Variants in OR10G3 observed in about 807,000 individuals in gnomAD.
OR10G3 encodes olfactory receptor family 10 subfamily G member 3, also known as olfactory receptor 10G3.
In OR10G3, 8 loss-of-function variants were observed where a neutral mutation model predicts 13.4. The ratio of observed to expected loss-of-function variants is 0.60; its 90% CI spans 0.35 to 1.08. The LOEUF (loss-of-function observed/expected upper bound fraction) is 1.08. Ranked by LOEUF, OR10G3 falls within the 50% of genes least tolerant of loss-of-function variation. OR10G3 has a pLI of 0.02. For missense variants in OR10G3, 393 were observed against 386.6 expected, an observed-to-expected ratio of 1.02 and a Z score of -0.14; for synonymous variants, 142 against 156.1, an observed-to-expected ratio of 0.91 and a Z score of 0.67.
intron 1 of OR10G3, 105 bp downstream of exon 1, chr14:21,579,681 G>A (rs1192257485): frequency 6.6e-6 from 1 of 152,112 alleles, no homozygotes; most frequent in African/African-American, 2.4e-5. Flanking sequence ...GAGATGAAGT[G>A]ACTCAGAGTA....
Position 21,570,629 on chromosome 14 carries a change from T to C in OR10G3, c.116A>G (p.Gln39Arg). Reference protein sequence around the residue: ...VFFFLIYILTQLGNLLILITV... With the variant: ...VFFFLIYILTRLGNLLILITV... ...GATTAAAATAAGCAGGTTTCCCAGC[T>C]GAGTCAGGATGTAGATTAGAAAAAA... is the stretch of plus-strand genomic sequence containing the variant. The change falls in exon 2 of 2, where the codon CAG (glutamine) becomes CGG (arginine). Residue 39 changes from glutamine to arginine, a missense_variant. Physicochemically the swap from Gln to Arg is conservative, Grantham distance 43 (BLOSUM62 1). Coordinates refer to ENST00000641040, the MANE Select transcript of OR10G3 (RefSeq NM_001005465.2). 1 of 1,613,814 alleles carries C rather than the reference T, an allele frequency of 6.2e-7. No homozygotes were observed. The highest frequency in any genetic ancestry group is 1.1e-5 in the South Asian group (1 of 91,076).
chr14:21,573,198 T>C (rs1893090873), intron 1 of OR10G3, among the ~76,000 whole-genome samples: 1 of 152,138 alleles, frequency 6.6e-6, no homozygotes, highest in Admixed American at 6.5e-5. Context: ...ACAATATGAA[T>C]GAACCTGGAA....
At chr14:21,578,976 G>A (rs185703648) in intron 1 of OR10G3, among the ~76,000 whole-genome samples, 1 of 152,234 alleles carries the variant, frequency 6.6e-6, no homozygotes, top group East Asian at 1.9e-4. Context: ...AAGAAATCAG[G>A]TTATAGCTTT....
At chr14:21,577,919 T>A (rs1594492214) in intron 1 of OR10G3, among the ~76,000 whole-genome samples, 1 of 151,988 alleles carries the variant, frequency 6.6e-6, no homozygotes, top group African/African-American at 2.4e-5. Context: ...GGAGAATCGC[T>A]GGAACCTGGG....
At chr14:21,579,033 G>A (rs568377947) in intron 1 of OR10G3, among the ~76,000 whole-genome samples, 3 of 152,124 alleles carry the variant, frequency 2.0e-5, no homozygotes, top group Non-Finnish European at 2.9e-5. Flanking sequence ...TGTCTTATAG[G>A]TGGAAGGGAC....
chr14:21,571,299 G>C (rs4982463), intron 1 of OR10G3, among the ~76,000 whole-genome samples: 17,686 of 152,232 alleles, frequency 0.12, 1,186 homozygotes, highest in Middle Eastern at 0.18. Flanking sequence ...GAAAGGAAAT[G>C]CAGAAAATAA....
chr14:21,578,439 CAAAAT>C (rs1876809455), intron 1 of OR10G3, among the ~76,000 whole-genome samples: 1 of 151,600 alleles, frequency 6.6e-6, no homozygotes, highest in Non-Finnish European at 1.5e-5. Flanking sequence ...AATAAATAAA[CAAAAT>C]AAAATAAAGA....
At chr14:21,571,799 G>A (rs926916470) in intron 1 of OR10G3, among the ~76,000 whole-genome samples, 7 of 151,832 alleles carry the variant, frequency 4.6e-5, no homozygotes, top group Non-Finnish European at 4.4e-5. Context: ...CTCAGTGTCC[G>A]GGTAGCTGGG....
Position 21,570,146 on chromosome 14 carries a change from G to A in OR10G3, c.599C>T (p.Thr200Met), listed in dbSNP as rs752390848. 14 of 1,614,206 alleles carry A rather than the reference G, an allele frequency of 8.7e-6. No individual in the cohort carries two copies. In the East Asian group the frequency reaches 2.5e-4, roughly 28 times the overall value. Residue 200 changes from threonine (T) to methionine (M), a missense_variant, in exon 2 of 2, where the codon ACG (threonine) becomes ATG (methionine). By Grantham distance (81) the Thr-to-Met change is moderately conservative (BLOSUM62 -1). Coordinates refer to ENST00000641040, the MANE Select transcript of OR10G3 (RefSeq NM_001005465.2). ...CADTTVNELV[T>M]FVDIGVVVAS... is the part of the protein sequence containing the mutation. Reference sequence around the variant, plus strand: ...AACCACCACCCCAATGTCTACAAACGTCACCAGCTCGTTGACTGTTGTGTC... The same window carrying A: ...AACCACCACCCCAATGTCTACAAACATCACCAGCTCGTTGACTGTTGTGTC...
intron 1 of OR10G3, among the ~76,000 whole-genome samples, chr14:21,573,017 C>T (rs1342225790): frequency 1.3e-5 from 2 of 152,150 alleles, no homozygotes; most frequent in South Asian, 2.1e-4. Context: ...TATCTCACAC[C>T]ATTAGCAAAA....
At chr14:21,575,387 CTT>C (rs568846340) in intron 1 of OR10G3, among the ~76,000 whole-genome samples, 2 of 116,204 alleles carry the variant, frequency 1.7e-5, no homozygotes, top group African/African-American at 3.4e-5. Flanking sequence ...GGCCTCAAGT[CTT>C]TTTTTTTTTG....
rs1419213103 is a variant in OR10G3, at chr14:21,568,706, T to A, written c.*1097A>T. 3.3e-5 allele frequency: 5 copies of A among 150,596 alleles called. No homozygotes were observed. The highest frequency in any genetic ancestry group is 5.9e-5 in the Non-Finnish European group (4 of 67,700). 9.3% of individuals were successfully genotyped at this position (150,596 alleles called of 1,614,324 possible). A position where few individuals can be genotyped will look rare whatever the true frequency, so the allele number is the denominator to read the frequency against. On this transcript the variant is annotated 3_prime_UTR_variant, in exon 2 of 2. Coordinates refer to ENST00000641040, the MANE Select transcript of OR10G3 (RefSeq NM_001005465.2). ...TAGTCAGGGGTCTCTTTGTTTTTTT[T>A]TTTTTTATTTTTTTATTTTTTTGAG...
At chr14:21,574,707 G>A (rs951553018) in intron 1 of OR10G3, 2 of 152,234 alleles carry the variant, frequency 1.3e-5, no homozygotes, top group African/African-American at 2.4e-5. Flanking sequence ...CAGCACTTTG[G>A]AAGGCTGAGG....
intron 1 of OR10G3, among the ~76,000 whole-genome samples, chr14:21,572,765 T>C (rs1351701511): frequency 6.6e-6 from 1 of 152,218 alleles, no homozygotes; most frequent in Non-Finnish European, 1.5e-5. Context: ...TTCTGGGCTC[T>C]GTATTCTGTC....
intron 1 of OR10G3, among the ~76,000 whole-genome samples, chr14:21,572,316 A>AAAAAAAG (rs1893079888): frequency 7.4e-6 from 1 of 134,750 alleles, no homozygotes; most frequent in Non-Finnish European, 1.6e-5. Context: ...AAAAAAAAAA[A>AAAAAAAG]GGCCAGGTGT....
At chr14:21,578,133 G>A (rs1456547621) in intron 1 of OR10G3, among the ~76,000 whole-genome samples, 1 of 152,028 alleles carries the variant, frequency 6.6e-6, no homozygotes, top group South Asian at 2.1e-4. Flanking sequence ...TCTAGAGGCC[G>A]GTCGCGGTGG....
At position 21,572,218 on chromosome 14, in the gene OR10G3, G is replaced by C. The variant is rs113942007; in HGVS notation, c.-17-1457C>G. Among the ~76,000 whole-genome samples, 432 of 138,612 alleles carry C rather than the reference G, an allele frequency of 3.1e-3. 1 individual carries two copies. Among genetic ancestry groups the C allele is most frequent in the African/African-American group, 0.011 (408 of 36,758 alleles). 90.9% of individuals were successfully genotyped at this position (138,612 alleles called of 152,430 possible). A position where few individuals can be genotyped will look rare whatever the true frequency, so the allele number is the denominator to read the frequency against. ...GAGGCAGGAGAATCACTTGAACCCAGGGGGTGGAGGTGAGCTGAGATTGCA... is the reference window on the plus strand; with the variant it reads ...GAGGCAGGAGAATCACTTGAACCCACGGGGTGGAGGTGAGCTGAGATTGCA... On this transcript the variant is annotated intron_variant, in intron 1 of 1. Coordinates refer to ENST00000641040, the MANE Select transcript of OR10G3 (RefSeq NM_001005465.2).
chr14:21,570,537 T>C lies in OR10G3; in HGVS notation c.208A>G (p.Ile70Val). Residue 70 changes from isoleucine to valine, a missense_variant, in exon 2 of 2, where the codon ATT becomes GTT. Coordinates refer to ENST00000641040, the MANE Select transcript of OR10G3 (RefSeq NM_001005465.2). ...ATGATGGAGGAGATGCTCATATCAATGACTGAGAGAACACCAAGAAAGATG... is the reference window on the plus strand; with the variant it reads ...ATGATGGAGGAGATGCTCATATCAACGACTGAGAGAACACCAAGAAAGATG... ...MYIFLGVLSVIDMSISSIIVP... is the reference protein window; with the variant it reads ...MYIFLGVLSVVDMSISSIIVP... 1.2e-6 allele frequency: 2 copies of C among 1,614,156 alleles called. No individual in the cohort carries two copies. Among genetic ancestry groups the C allele is most frequent in the Non-Finnish European group, 1.7e-6 (2 of 1,180,024 alleles).
At chr14:21,577,921 G>C (rs1164131842) in intron 1 of OR10G3, among the ~76,000 whole-genome samples, 1 of 152,042 alleles carries the variant, frequency 6.6e-6, no homozygotes, top group African/African-American at 2.4e-5. Flanking sequence ...AGAATCGCTG[G>C]AACCTGGGAG....
Sources: gnomAD v4.1 joint callset for allele counts (sites outside exome capture counted in the v4.1 genomes callset) on GRCh38, gnomAD v4.1.1 for gene constraint, MANE v1.5 for transcripts, NCBI Gene and HGNC (gene_info 2026-07-23, HGNC 2026-07-21) for gene names.